GRIN2B: variants seen among roughly 807,000 people sequenced by gnomAD.
The protein encoded by GRIN2B is glutamate ionotropic receptor NMDA type subunit 2B, also known as glutamate receptor ionotropic, NMDA 2B.
GRIN2B carries 5 observed loss-of-function variants against 114.5 expected under a neutral mutation model. The ratio of observed to expected loss-of-function variants is 0.04; its 90% CI spans 0.02 to 0.09. The LOEUF (loss-of-function observed/expected upper bound fraction) is 0.09. GRIN2B is among the 10% of genes least tolerant of loss of function. The pLI, the probability that GRIN2B is intolerant of heterozygous loss-of-function variation, is 1.00. For missense variants in GRIN2B, 1,108 were observed against 1,943.5 expected (o/e 0.57, Z 8.08); for synonymous variants, 787 against 745.1 (o/e 1.06, Z -0.92).
chr12:13,781,756 A>G lies in GRIN2B; in HGVS notation c.412-27841T>C, dbSNP rs181677360. Reference sequence around the variant, plus strand: ...CTCAGTATAAGGAAAATCTCTTGCAATCTGAATGGAATGGATTCTCCTCAT... The same window carrying G: ...CTCAGTATAAGGAAAATCTCTTGCAGTCTGAATGGAATGGATTCTCCTCAT... On this transcript the variant is annotated intron_variant, in intron 3 of 13. Transcript: ENST00000609686. 7.4e-4 allele frequency among the ~76,000 whole-genome samples: 113 copies of G among 152,316 alleles called. 1 individual carries two copies. Among genetic ancestry groups the G allele is most frequent in the Middle Eastern group, 3.4e-3 (1 of 294 alleles).
intron 10 of GRIN2B, among the ~76,000 whole-genome samples, chr12:13,583,132 C>T (rs1449868221): frequency 6.6e-6 from 1 of 152,174 alleles, no homozygotes; most frequent in East Asian, 1.9e-4. Context: ...TAAAATATCA[C>T]ATCAGTAGCA....
intron 4 of GRIN2B, among the ~76,000 whole-genome samples, chr12:13,703,946 T>A (rs1326593446): frequency 6.6e-6 from 1 of 152,162 alleles, no homozygotes; most frequent in Non-Finnish European, 1.5e-5. Context: ...TACAGATTCC[T>A]CATACATTCA....
intron 2 of GRIN2B, among the ~76,000 whole-genome samples, chr12:13,953,355 T>G (rs567929649): frequency 6.6e-6 from 1 of 152,166 alleles, no homozygotes; most frequent in African/African-American, 2.4e-5. Context: ...CACACCATGA[T>G]GTGCAGTAAT....
At chr12:13,817,957 T>C (rs1478736202) in intron 3 of GRIN2B, among the ~76,000 whole-genome samples, 4 of 152,230 alleles carry the variant, frequency 2.6e-5, no homozygotes, top group African/African-American at 4.8e-5. Flanking sequence ...TTATGTATTG[T>C]AGTGGCAATT....
intron 4 of GRIN2B, among the ~76,000 whole-genome samples, chr12:13,694,879 T>A (rs1157566848): frequency 6.6e-6 from 1 of 151,718 alleles, no homozygotes; most frequent in Non-Finnish European, 1.5e-5. Flanking sequence ...GAAAAGTCTC[T>A]GTGAATGAAG....
intron 4 of GRIN2B, among the ~76,000 whole-genome samples, chr12:13,679,649 G>A (rs889200049): frequency 6.6e-6 from 1 of 152,130 alleles, no homozygotes; most frequent in African/African-American, 2.4e-5. Flanking sequence ...TTCACACTGT[G>A]TTTTCATGAG....
At chr12:13,904,019 C>A (rs11055678) in intron 2 of GRIN2B, among the ~76,000 whole-genome samples, 45,444 of 151,760 alleles carry the variant, frequency 0.3, 7,309 homozygotes, top group Middle Eastern at 0.36. Flanking sequence ...TGCATGGCAT[C>A]TGTTTTTCCA....
chr12:13,610,945 A>C (rs1398221682), intron 9 of GRIN2B, among the ~76,000 whole-genome samples: 1 of 152,200 alleles, frequency 6.6e-6, no homozygotes, highest in Non-Finnish European at 1.5e-5. Flanking sequence ...GATAGAGCTC[A>C]CATTCTGGAA....
intron 2 of GRIN2B, among the ~76,000 whole-genome samples, chr12:13,953,457 C>T (rs777862398): frequency 2.6e-5 from 4 of 152,196 alleles, no homozygotes; most frequent in Non-Finnish European, 5.9e-5. Flanking sequence ...CTTATTCACT[C>T]TGAGATCTGT....
chr12:13,848,401 C>T (rs1219414105), intron 3 of GRIN2B, among the ~76,000 whole-genome samples: 1 of 152,004 alleles, frequency 6.6e-6, no homozygotes, highest in African/African-American at 2.4e-5. Context: ...CTGGAGAAAC[C>T]CCAGCAGTGC....
At chr12:13,660,275 T>C (rs1949908942) in intron 5 of GRIN2B, among the ~76,000 whole-genome samples, 1 of 152,166 alleles carries the variant, frequency 6.6e-6, no homozygotes, top group South Asian at 2.1e-4. Context: ...TTGGGGGTCA[T>C]CTTAGCGGCT....
chr12:13,849,624 G>A (rs1435645622), intron 3 of GRIN2B, among the ~76,000 whole-genome samples: 2 of 152,164 alleles, frequency 1.3e-5, no homozygotes, highest in African/African-American at 4.8e-5. Flanking sequence ...CCTAGGGGAA[G>A]AGAATTATTC....
At chr12:13,871,803 A>T (rs910991499) in intron 2 of GRIN2B, among the ~76,000 whole-genome samples, 4 of 152,018 alleles carry the variant, frequency 2.6e-5, no homozygotes, top group Non-Finnish European at 4.4e-5. Context: ...ATATTATGAA[A>T]ACTAGTTACT....
At chr12:13,952,342 C>T (rs1390530040) in intron 2 of GRIN2B, among the ~76,000 whole-genome samples, 8 of 152,198 alleles carry the variant, frequency 5.3e-5, no homozygotes, top group Non-Finnish European at 5.9e-5. Context: ...TCATCTTACC[C>T]ACTCACCTTT....
At chr12:13,616,157 T>C (rs1378169443) in intron 6 of GRIN2B, among the ~76,000 whole-genome samples, 1 of 152,184 alleles carries the variant, frequency 6.6e-6, no homozygotes, top group Non-Finnish European at 1.5e-5. Context: ...CAAGAAAACA[T>C]ATTTGAACAC....
chr12:13,564,527 G>A lies in GRIN2B; in HGVS notation c.2711C>T (p.Thr904Met), dbSNP rs552036402. The A allele has an allele frequency of 3.1e-6, 5 of 1,614,134 alleles. No individual in the cohort carries two copies. The highest frequency in any genetic ancestry group is 1.7e-5 in the Admixed American group (1 of 60,034). Residue 904 changes from threonine to methionine, a missense_variant, in exon 14 of 14, where the codon ACG (threonine) becomes ATG (methionine). By Grantham distance (81) the Thr-to-Met change is moderately conservative. Coordinates refer to ENST00000609686, the MANE Select transcript of GRIN2B (RefSeq NM_000834.5). The surrounding 1 kb of genome is among the most constrained non-coding windows in gnomAD (Gnocchi z 4.8). Reference protein sequence around the residue: ...THSNILRLLRTAKNMANLSGV... With the variant: ...THSNILRLLRMAKNMANLSGV... The stretch of plus-strand genomic sequence containing the variant: ...AGACAGGTTAGCCATGTTCTTGGCC[G>A]TGCGCAGCAGGCGCAGGATGTTGGA...
intron 5 of GRIN2B, among the ~76,000 whole-genome samples, chr12:13,647,768 G>A (rs1949775297): frequency 1.3e-5 from 2 of 151,982 alleles, no homozygotes; most frequent in Admixed American, 1.3e-4. Context: ...GCTCCACCTA[G>A]GAAAAAGCTC....
At chr12:13,871,526 CA>C (rs1865906780) in intron 2 of GRIN2B, among the ~76,000 whole-genome samples, 1 of 151,690 alleles carries the variant, frequency 6.6e-6, no homozygotes, top group Non-Finnish European at 1.5e-5. Flanking sequence ...GAGAAAAATA[CA>C]CTTTTAAATA....
chr12:13,541,014 G>GCGCTCACACACA lies in GRIN2B; in HGVS notation c.*21757_*21768dup, dbSNP rs1390699991. 1 of 152,242 alleles carries GCGCTCACACACA rather than the reference G, an allele frequency of 6.6e-6. No individual in the cohort carries two copies. Among genetic ancestry groups the GCGCTCACACACA allele is most frequent in the African/African-American group, 2.4e-5 (1 of 41,414 alleles). 9.4% of individuals were successfully genotyped at this position (152,242 alleles called of 1,614,324 possible). A position where few individuals can be genotyped will look rare whatever the true frequency, so the allele number is the denominator to read the frequency against. ...TCCATCATCACCCCCTTACACACGT[G>GCGCTCACACACA]CGCTCACACACACGCTCACACACAT... On this transcript the variant is annotated 3_prime_UTR_variant, in exon 14 of 14. Transcript: ENST00000609686.
Sources: gnomAD v4.1 joint callset for allele counts (sites outside exome capture counted in the v4.1 genomes callset) on GRCh38, gnomAD v4.1.1 for gene constraint, Gnocchi (gnomAD v3.1) non-coding constraint, MANE v1.5 for transcripts, NCBI Gene and HGNC (gene_info 2026-07-23, HGNC 2026-07-21) for gene names.